TMEM117: variants seen among roughly 807,000 people sequenced by gnomAD.
TMEM117 encodes the protein transmembrane protein 117.
In TMEM117, 27 loss-of-function variants were observed where a neutral mutation model predicts 52.4. That is an observed-to-expected ratio of 0.51 (90% CI 0.38 to 0.71). TMEM117 has a LOEUF of 0.71. Among genes scored for constraint, TMEM117 ranks in the 30% least tolerant of loss-of-function variants. The probability of loss-of-function intolerance (pLI) is 0.00; values close to 1 mark genes in which losing one functional copy is unlikely to be tolerated. For synonymous variants in TMEM117, 215 were observed against 206.3 expected (o/e 1.04, Z -0.36); for missense variants, 556 against 630.5 (o/e 0.88, Z 1.26).
intron 3 of TMEM117, among the ~76,000 whole-genome samples, chr12:44,108,488 G>A (rs1948004241): frequency 1.1e-5 from 1 of 90,660 alleles, no homozygotes; most frequent in South Asian, 4.6e-4. Flanking sequence ...AGTTTACTGA[G>A]AATGATGGTT....
chr12:44,256,042 T>G (rs1269724508), intron 5 of TMEM117, among the ~76,000 whole-genome samples: 1 of 151,958 alleles, frequency 6.6e-6, no homozygotes, highest in Non-Finnish European at 1.5e-5. Context: ...ATAAGTCATT[T>G]ATAACTCATA....
chr12:43,806,145 C>T, the TMEM117 span: 29 of 1,531,212 alleles, frequency 1.9e-5, no homozygotes, highest in East Asian at 6.9e-4. Flanking sequence ...TCCAGCCCTG[C>T]CGGTCCTGCA....
chr12:44,354,763 C>T (rs914853952), intron 6 of TMEM117, among the ~76,000 whole-genome samples: 1 of 151,732 alleles, frequency 6.6e-6, no homozygotes, highest in Non-Finnish European at 1.5e-5. Context: ...TGGCACAAGA[C>T]AGGGATGTCC....
Position 44,311,823 on chromosome 12 carries a change from G to GTA in TMEM117, c.768+12090_768+12091dup, listed in dbSNP as rs745551104. Among the ~76,000 whole-genome samples, 68 of 85,284 alleles carry GTA rather than the reference G, an allele frequency of 8.0e-4. 1 individual carries two copies. Among genetic ancestry groups the GTA allele is most frequent in the Middle Eastern group, 6.3e-3 (1 of 160 alleles). The allele number at this position is 85,284 out of a possible 152,430, so 55.9% of individuals were successfully genotyped here. On this transcript the variant is annotated intron_variant, in intron 6 of 7. Coordinates refer to ENST00000266534, the MANE Select transcript of TMEM117 (RefSeq NM_032256.3). ...TATATATGTATATATGTATATATAT[G>GTA]TATATATGTATATATGTATATATAT...
intron 6 of TMEM117, among the ~76,000 whole-genome samples, chr12:44,315,046 G>A (rs1951037155): frequency 6.6e-6 from 1 of 152,142 alleles, no homozygotes; most frequent in Non-Finnish European, 1.5e-5. Context: ...GTGCATAGAG[G>A]TGTTCATAAT....
downstream of TMEM117, among the ~76,000 whole-genome samples, chr12:44,390,905 A>G (rs1797265756): frequency 6.6e-6 from 1 of 152,152 alleles, no homozygotes; most frequent in Non-Finnish European, 1.5e-5. Flanking sequence ...TTGAATCCTG[A>G]GTCATACCAA....
At chr12:43,863,202 T>C (rs1469578698) in intron 2 of TMEM117, among the ~76,000 whole-genome samples, 2 of 151,496 alleles carry the variant, frequency 1.3e-5, no homozygotes, top group East Asian at 3.9e-4. Context: ...GCCAGGATTG[T>C]GCCACTGCAC....
At chr12:43,910,272 A>G (rs1025129546) in intron 2 of TMEM117, among the ~76,000 whole-genome samples, 39 of 151,720 alleles carry the variant, frequency 2.6e-4, no homozygotes, top group Non-Finnish European at 5.1e-4. Flanking sequence ...GATGCAGAAA[A>G]GGCCTTTGAC....
intron 2 of TMEM117, among the ~76,000 whole-genome samples, chr12:43,885,515 G>T (rs1002210327): frequency 6.7e-6 from 1 of 148,516 alleles, no homozygotes; most frequent in Admixed American, 6.8e-5. Flanking sequence ...TTAGGGAAAC[G>T]CAGCCAAGAG....
chr12:44,100,837 T>C (rs1030827970), intron 3 of TMEM117, among the ~76,000 whole-genome samples: 1 of 151,280 alleles, frequency 6.6e-6, no homozygotes, highest in African/African-American at 2.4e-5. Flanking sequence ...GGAGTGTCTT[T>C]GCAGCCTCTG....
intron 2 of TMEM117, among the ~76,000 whole-genome samples, chr12:43,870,315 AGTG>A (rs1263084802): frequency 6.7e-6 from 1 of 149,234 alleles, no homozygotes; most frequent in East Asian, 2.0e-4. Context: ...GCTGGAGTGC[AGTG>A]GTGTGATCTC....
At chr12:43,825,075 G>A in the TMEM117 span, among the ~76,000 whole-genome samples, 8 of 152,360 alleles carry the variant, frequency 5.3e-5, no homozygotes, top group African/African-American at 1.9e-4. Context: ...ATTCAAGAAT[G>A]TAGACCCTGT....
chr12:43,903,099 T>C (rs1490404570), intron 2 of TMEM117, among the ~76,000 whole-genome samples: 2 of 152,226 alleles, frequency 1.3e-5, no homozygotes, highest in South Asian at 2.1e-4. Flanking sequence ...AGTCCAGTTA[T>C]GCTTAGAAAA....
intron 4 of TMEM117, among the ~76,000 whole-genome samples, chr12:44,172,485 C>T (rs1949060330): frequency 6.6e-6 from 1 of 152,158 alleles, no homozygotes; most frequent in African/African-American, 2.4e-5. Flanking sequence ...CTTTCTGAAT[C>T]GCTCTCCTCT....
intron 3 of TMEM117, among the ~76,000 whole-genome samples, chr12:43,957,626 G>A (rs1243795092): frequency 3.3e-5 from 5 of 152,160 alleles, no homozygotes; most frequent in Non-Finnish European, 7.4e-5. Flanking sequence ...AGAGAGGCAT[G>A]CTCCCAAGTT....
chr12:44,268,364 G>A (rs545014995), intron 5 of TMEM117, among the ~76,000 whole-genome samples: 19 of 151,854 alleles, frequency 1.3e-4, no homozygotes, highest in Admixed American at 3.9e-4. Context: ...GGCTGGTCTC[G>A]AACTCCTGAC....
chr12:43,834,236 CT>C (rs1942999494), upstream of TMEM117, among the ~76,000 whole-genome samples: 1 of 152,116 alleles, frequency 6.6e-6, no homozygotes, highest in South Asian at 2.1e-4. Flanking sequence ...CATATGGAAC[CT>C]TTGTTAAACA....
intron 6 of TMEM117, among the ~76,000 whole-genome samples, chr12:44,325,873 T>C (rs763090843): frequency 2.0e-5 from 3 of 152,154 alleles, no homozygotes; most frequent in African/African-American, 7.2e-5. Flanking sequence ...AACTCTGGCA[T>C]GTGAAGGCTG....
chr12:44,270,706 A>G (rs1228086442), intron 5 of TMEM117, among the ~76,000 whole-genome samples: 1 of 152,054 alleles, frequency 6.6e-6, no homozygotes, highest in African/African-American at 2.4e-5. Context: ...TCTCAAAGGG[A>G]ATGCTTTCAA....
Sources: allele counts gnomAD v4.1 joint callset (sites outside exome capture counted in the v4.1 genomes callset), GRCh38; gene constraint gnomAD v4.1.1; transcripts MANE v1.5; gene names NCBI Gene and HGNC (gene_info 2026-07-23, HGNC 2026-07-21).